The following WNK3 variants were observed in gnomAD, a reference collection of about 807,000 sequenced individuals.
WNK3 encodes the protein serine/threonine-protein kinase WNK3.
In WNK3, 18 loss-of-function variants were observed where a neutral mutation model predicts 116.7. That is an observed-to-expected ratio of 0.15 (90% CI 0.11 to 0.23). The LOEUF (loss-of-function observed/expected upper bound fraction) is 0.23. Ranked by LOEUF, WNK3 falls within the 10% of genes least tolerant of loss-of-function variation. WNK3 has a pLI of 1.00. For synonymous variants in WNK3, 404 were observed against 469.4 expected, an observed-to-expected ratio of 0.86 and a Z score of 1.80; for missense variants, 993 against 1,323.8, an observed-to-expected ratio of 0.75 and a Z score of 3.88.
chrX:54,230,399 T>G (rs1354074517), intron 21 of WNK3, among the ~76,000 whole-genome samples: 1 of 110,833 alleles, frequency 9.0e-6, no homozygotes, highest in Non-Finnish European at 1.9e-5. Context: ...CACAAATAAG[T>G]GCAAGAAAAA....
rs782199018 is a variant in WNK3 at position 54,207,341 on chromosome X, G to T, written c.4871-5148C>A. On this transcript the variant is annotated intron_variant, in intron 22 of 23. Coordinates refer to ENST00000354646, the Ensembl canonical transcript of WNK3. ...CAGCTGCCAAATTTTTTTAAGTACA[G>T]AAGGAAAACTTTCTACTGTAAATCC... Among the ~76,000 whole-genome samples the T allele has an allele frequency of 3.6e-5, 4 of 110,806 alleles. No homozygotes were observed. The South Asian group carries it at 1.5e-3, about 42-fold the overall frequency.
At chrX:54,251,507 C>T in intron 14 of WNK3, 25 bp downstream of exon 14, 1 of 1,205,422 alleles carries the variant, frequency 8.3e-7, no homozygotes, top group Non-Finnish European at 1.1e-6. Flanking sequence ...CTGAGAAGAT[C>T]TGTTTGCTAA....
At chrX:54,319,802 T>C (rs1205560751) in intron 2 of WNK3, among the ~76,000 whole-genome samples, 3 of 111,985 alleles carry the variant, frequency 2.7e-5, no homozygotes, top group Non-Finnish European at 5.6e-5. Flanking sequence ...CACCCCTACA[T>C]GCATTATTGT....
chrX:54,330,238 T>A (rs2147250878), intron 2 of WNK3, among the ~76,000 whole-genome samples: 1 of 111,370 alleles, frequency 9.0e-6, no homozygotes, highest in South Asian at 3.8e-4. Flanking sequence ...CCAGGCGTGG[T>A]GGCACACACC....
chrX:54,293,005 C>T (rs2068655996), exon 10 of WNK3: 1 of 1,208,770 alleles, frequency 8.3e-7, no homozygotes, highest in African/African-American at 1.8e-5. Context: ...AAGGCAAAAT[C>T]TGCGGCTGAG....
chrX:54,322,461 T>C (rs1366533240), intron 2 of WNK3, among the ~76,000 whole-genome samples: 3 of 111,541 alleles, frequency 2.7e-5, no homozygotes, highest in African/African-American at 9.8e-5. Flanking sequence ...TGCCCTTCAA[T>C]GACACCATTA....
chrX:54,270,426 C>CAA (rs1173368629), intron 10 of WNK3, among the ~76,000 whole-genome samples: 1 of 92,562 alleles, frequency 1.1e-5, no homozygotes, highest in Admixed American at 1.2e-4. Flanking sequence ...TTCTTTGAGA[C>CAA]AGAGTTTCTT....
At chrX:54,297,017 G>C (rs1413976085) in intron 7 of WNK3, among the ~76,000 whole-genome samples, 1 of 110,603 alleles carries the variant, frequency 9.0e-6, no homozygotes, top group African/African-American at 3.3e-5. Context: ...CTGAGACATG[G>C]GTGTATTTTC....
At chrX:54,215,401 G>A (rs1345074579) in intron 22 of WNK3, among the ~76,000 whole-genome samples, 1 of 112,556 alleles carries the variant, frequency 8.9e-6, no homozygotes, top group African/African-American at 3.2e-5. Context: ...GCGTTGGCCG[G>A]GCTGGTCTCC....
At chrX:54,216,278 T>C (rs782096839) in intron 22 of WNK3, among the ~76,000 whole-genome samples, 2 of 98,955 alleles carry the variant, frequency 2.0e-5, no homozygotes, top group Admixed American at 2.1e-4. Flanking sequence ...CCAAGAATGA[T>C]CAATAAATAC....
chrX:54,222,102 A>G (rs1330075733), intron 22 of WNK3, among the ~76,000 whole-genome samples: 46 of 111,944 alleles, frequency 4.1e-4, no homozygotes, highest in African/African-American at 1.4e-3. Context: ...GGTTGCAGTG[A>G]GCCAAGGTCG....
chrX:54,207,214 T>G (rs2067562923), intron 22 of WNK3, among the ~76,000 whole-genome samples: 1 of 111,554 alleles, frequency 9.0e-6, no homozygotes, highest in Non-Finnish European at 1.9e-5. Flanking sequence ...ATTTTATTTA[T>G]TATCCTTAAA....
intron 10 of WNK3, among the ~76,000 whole-genome samples, chrX:54,281,234 C>T (rs1011964154): frequency 2.7e-5 from 3 of 111,251 alleles, no homozygotes; most frequent in Admixed American, 9.6e-5. Context: ...CCTGTAATCC[C>T]GGCACTTTGG....
intron 17 of WNK3, 38 bp from the exon 18 acceptor site, chrX:54,239,137 A>T (rs1163762419): frequency 2.2e-6 from 2 of 908,252 alleles, no homozygotes; most frequent in Admixed American, 7.6e-5. Flanking sequence ...AAACAAAACA[A>T]AACAAAACAA....
At chrX:54,206,464 G>A (rs2067555002) in intron 22 of WNK3, among the ~76,000 whole-genome samples, 3 of 111,826 alleles carry the variant, frequency 2.7e-5, no homozygotes, top group South Asian at 7.6e-4. Context: ...CTGGCATGAC[G>A]ATTTGCTTAA....
At chrX:54,307,183 C>T (rs937463674) in intron 5 of WNK3, among the ~76,000 whole-genome samples, 1 of 104,408 alleles carries the variant, frequency 9.6e-6, no homozygotes, top group Non-Finnish European at 2.0e-5. Flanking sequence ...GCCGAGATCC[C>T]GCCACTGCAC....
intron 2 of WNK3, among the ~76,000 whole-genome samples, chrX:54,321,094 G>A (rs2069027383): frequency 9.1e-6 from 1 of 109,474 alleles, no homozygotes; most frequent in African/African-American, 3.3e-5. Context: ...GAGGAGTTTC[G>A]CCATGTTGGC....
intron 22 of WNK3, among the ~76,000 whole-genome samples, chrX:54,213,011 G>A (rs924925521): frequency 2.7e-5 from 3 of 110,490 alleles, no homozygotes; most frequent in Non-Finnish European, 3.8e-5. Context: ...GTCTCACTCC[G>A]TCACCCAGGA....
intron 2 of WNK3, among the ~76,000 whole-genome samples, chrX:54,312,626 T>C (rs905681663): frequency 4.6e-5 from 5 of 109,722 alleles, no homozygotes; most frequent in African/African-American, 1.7e-4. Context: ...TTAGTAGAGA[T>C]GGGGTTTCAC....
Sources: allele counts gnomAD v4.1 joint callset (sites outside exome capture counted in the v4.1 genomes callset), GRCh38; gene constraint gnomAD v4.1.1; transcripts MANE v1.5; gene names NCBI Gene and HGNC (gene_info 2026-07-23, HGNC 2026-07-21).